Variants in EPHA2 observed in about 807,000 individuals in gnomAD.
EPHA2 encodes ephrin type-A receptor 2.
A neutral mutation model predicts 104.9 loss-of-function variants in EPHA2; 54 were observed. The observed-to-expected ratio is 0.51, with a 90% confidence interval of 0.41 to 0.65. The LOEUF is 0.65. EPHA2 is among the 30% of genes least tolerant of loss of function. EPHA2 has a pLI of 0.00. For synonymous variants in EPHA2, 560 were observed against 559.1 expected (o/e 1.00, Z -0.02); for missense variants, 1,117 against 1,369.5 (o/e 0.82, Z 2.91).
At position 16,145,535 on chromosome 1, in the gene EPHA2, G is replaced by T. The variant is rs140782439; in HGVS notation, c.823+2843C>A. Among the ~76,000 whole-genome samples the T allele has an allele frequency of 1.0e-3, 157 of 152,298 alleles. 1 individual carries two copies. Among genetic ancestry groups the T allele is most frequent in the African/African-American group, 3.5e-3 (147 of 41,566 alleles). On this transcript the variant is annotated intron_variant, in intron 3 of 16. Coordinates refer to ENST00000358432, the MANE Select transcript of EPHA2 (RefSeq NM_004431.5). ...TCGCTCTGGGTCTGGTTTGTCACCAGCAGGAGCCCCAGTGAAAGAATCTGG... is the reference window on the plus strand; with the variant it reads ...TCGCTCTGGGTCTGGTTTGTCACCATCAGGAGCCCCAGTGAAAGAATCTGG...
intron 3 of EPHA2, among the ~76,000 whole-genome samples, chr1:16,147,723 T>A (rs1158202488): frequency 2.0e-5 from 3 of 151,214 alleles, no homozygotes; most frequent in Non-Finnish European, 4.4e-5. Context: ...CTCTCCATTT[T>A]ACAGATGAGG....
In EPHA2 at chr1:16,131,675, C is replaced by G. The variant is rs755654674; in HGVS notation, c.2475+46G>C. 1.5e-5 allele frequency: 24 copies of G among 1,612,842 alleles called. No homozygotes were observed. Among genetic ancestry groups the G allele is most frequent in the Non-Finnish European group, 1.9e-5 (23 of 1,179,638 alleles). On this transcript the variant is annotated intron_variant, in intron 14 of 16. Coordinates refer to ENST00000358432, the MANE Select transcript of EPHA2 (RefSeq NM_004431.5). The surrounding 1 kb of genome is among the most constrained non-coding windows in gnomAD (Gnocchi z 5.2). ...CCTGCAGTTTGAGATGAGTAAAGGG[C>G]TTGAGTTCAGGTCCGGACAGGCCTG...
chr1:16,141,775 C>A (rs2024828867), intron 3 of EPHA2, among the ~76,000 whole-genome samples: 1 of 152,276 alleles, frequency 6.6e-6, no homozygotes, highest in Non-Finnish European at 1.5e-5. Context: ...GCCTGCCTGC[C>A]TGCTGCCGCC....
chr1:16,150,901 T>TG lies in EPHA2; in HGVS notation c.147dup (p.Lys50GlnfsTer12). Reference sequence around the variant, plus strand: ...CACCCCGAAGGCTTACATACCCCTTTGCCATACGGGTGTGTGAGCCAGCCG... The same window carrying TG: ...CACCCCGAAGGCTTACATACCCCTTTGGCCATACGGGTGTGTGAGCCAGCCG... On this transcript the variant is annotated frameshift_variant, in exon 2 of 17. Transcript: ENST00000358432. LOFTEE classifies it high-confidence loss of function. This position sits in a 1 kb window ranked among gnomAD's most constrained non-coding sequence, Gnocchi z 4.8. 1 of 1,614,072 alleles carries TG rather than the reference T, an allele frequency of 6.2e-7. No homozygotes were observed. Among genetic ancestry groups the TG allele is most frequent in the South Asian group, 1.1e-5 (1 of 91,080 alleles).
Position 16,125,098 on chromosome 1 carries a change from G to T in EPHA2, c.*117C>A. ...CGAGACCCCTCAGCGGAAGTTGCAG[G>T]GGGAGGAAAGAACTAGAAATAAATA... On this transcript the variant is annotated 3_prime_UTR_variant, in exon 17 of 17. Transcript: ENST00000358432. This position sits in a 1 kb window ranked among gnomAD's most constrained non-coding sequence, Gnocchi z 4.9. The T allele has an allele frequency of 1.0e-6, 1 of 956,500 alleles. No individual in the cohort carries two copies. Among genetic ancestry groups the T allele is most frequent in the Admixed American group, 2.0e-5 (1 of 49,930 alleles). 59.3% of individuals were successfully genotyped at this position (956,500 alleles called of 1,614,324 possible).
rs1039035331 is a variant in EPHA2 at position 16,153,269 on chromosome 1, C to A, written c.86-2306G>T. The A allele has an allele frequency of 1.5e-5, 15 of 985,348 alleles. No homozygotes were observed. In the African/African-American group the frequency reaches 2.6e-4, roughly 17 times the overall value. 61.0% of individuals were successfully genotyped at this position (985,348 alleles called of 1,614,324 possible). A position where few individuals can be genotyped will look rare whatever the true frequency, so the allele number is the denominator to read the frequency against. ...ACTCCCGGTCTCCGGTCCTTCTCCG[C>A]AGCCTCCGAGGCTGTGGTTCCCTCC... On this transcript the variant is annotated intron_variant, in intron 1 of 16. Coordinates refer to ENST00000358432, the MANE Select transcript of EPHA2 (RefSeq NM_004431.5).
chr1:16,136,713 A>AGAAGAAAAGAAG (rs752397568), intron 5 of EPHA2, among the ~76,000 whole-genome samples: 1 of 102,734 alleles, frequency 9.7e-6, no homozygotes, highest in Non-Finnish European at 1.8e-5. Context: ...AAGAAGAAGA[A>AGAAGAAAAGAAG]AAGAAGAAGA....
intron 5 of EPHA2, 48 bp downstream of exon 5, chr1:16,137,805 C>A: frequency 1.2e-6 from 2 of 1,610,136 alleles, no homozygotes; most frequent in Non-Finnish European, 1.7e-6. Context: ...TCCTTAAGCC[C>A]CACCTGGGCA....
intron 1 of EPHA2, among the ~76,000 whole-genome samples, chr1:16,154,475 C>G (rs2025109867): frequency 1.3e-5 from 2 of 151,962 alleles, no homozygotes; most frequent in Admixed American, 1.3e-4. Context: ...GGAAACAGGC[C>G]GGGGGTGGTG....
chr1:16,138,015 G>T lies in EPHA2; in HGVS notation c.1150C>A (p.Arg384Ser), dbSNP rs112196300. The T allele has an allele frequency of 6.2e-7, 1 of 1,613,526 alleles. No individual in the cohort carries two copies. Among genetic ancestry groups the T allele is most frequent in the African/African-American group, 1.3e-5 (1 of 74,944 alleles). The change falls in exon 5 of 17, where the codon CGC becomes AGC. Residue 384 changes from arginine (R) to serine (S), a missense_variant. Physicochemically the swap from Arg to Ser is moderately radical, Grantham distance 110. Coordinates refer to ENST00000358432, the MANE Select transcript of EPHA2 (RefSeq NM_004431.5). Reference protein sequence around the residue: ...GECGPCEASVRYSEPPHGLTR... With the variant: ...GECGPCEASVSYSEPPHGLTR... ...AGTCCGTGAGGAGGCTCCGAGTAGC[G>T]CACACTGGCCTCACACGGCCCGCAT...
At chr1:16,149,263 C>T (rs1364547731) in intron 2 of EPHA2, among the ~76,000 whole-genome samples, 1 of 152,142 alleles carries the variant, frequency 6.6e-6, no homozygotes, top group Non-Finnish European at 1.5e-5. Context: ...GAAGCCAAAC[C>T]TCTCTATTAG....
At position 16,134,345 on chromosome 1, in the gene EPHA2, G is replaced by T; in HGVS notation, c.1682+123C>A. ...TAACTCGTATATCCTCGCACCATCC[G>T]GAGGCAGGGATTAGACTCGACTAGC... On this transcript the variant is annotated intron_variant, in intron 8 of 16. Transcript: ENST00000358432. The surrounding 1 kb of genome is among the most constrained non-coding windows in gnomAD (Gnocchi z 4.5). The T allele has an allele frequency of 9.1e-7, 1 of 1,095,648 alleles. No homozygotes were observed. Among genetic ancestry groups the T allele is most frequent in the Non-Finnish European group, 1.4e-6 (1 of 730,512 alleles). The allele number at this position is 1,095,648 out of a possible 1,614,324, so 67.9% of individuals were successfully genotyped here. A position where few individuals can be genotyped will look rare whatever the true frequency, so the allele number is the denominator to read the frequency against.
At chr1:16,146,021 G>T (rs765368075) in intron 3 of EPHA2, among the ~76,000 whole-genome samples, 1 of 152,202 alleles carries the variant, frequency 6.6e-6, no homozygotes, top group Non-Finnish European at 1.5e-5. Flanking sequence ...GACGACACCC[G>T]TCTACGGTAG....
chr1:16,148,068 G>C lies in EPHA2; in HGVS notation c.823+310C>G, dbSNP rs781055995. ...TTTTTGTGTTTTTGGTAGAGACGGC[G>C]TTTCATTATGTTGCCCAGGCTGGTC... On this transcript the variant is annotated intron_variant, in intron 3 of 16. Coordinates refer to ENST00000358432, the MANE Select transcript of EPHA2 (RefSeq NM_004431.5). This position sits in a 1 kb window ranked among gnomAD's most constrained non-coding sequence, Gnocchi z 4.9. 4.6e-5 allele frequency among the ~76,000 whole-genome samples: 7 copies of C among 151,884 alleles called. No individual in the cohort carries two copies. The highest frequency in any genetic ancestry group is 8.8e-5 in the Non-Finnish European group (6 of 67,986).
Position 16,135,298 on chromosome 1 carries a change from C to T in EPHA2, c.1429-109G>A. 2 of 1,430,976 alleles carry T rather than the reference C, an allele frequency of 1.4e-6. No homozygotes were observed. Among genetic ancestry groups the T allele is most frequent in the Non-Finnish European group, 1.9e-6 (2 of 1,027,938 alleles). 88.6% of individuals were successfully genotyped at this position (1,430,976 alleles called of 1,614,324 possible). ...TAGCAAGGTGGCTTGCCTTTGTTAG[C>T]AAACTTGAGGCTCTTCTTACAGAGG... On this transcript the variant is annotated intron_variant, in intron 6 of 16. Coordinates refer to ENST00000358432, the MANE Select transcript of EPHA2 (RefSeq NM_004431.5). The surrounding 1 kb of genome is among the most constrained non-coding windows in gnomAD (Gnocchi z 4.3).
rs1179569761 is a variant in EPHA2, at chr1:16,155,875, C to T, written c.58G>A (p.Ala20Thr). ...FALLWGCALA[A>T]AAAAQGKEVV... ...TCCTTGCCCTGCGCCGCCGCGGCCG[C>T]GGCCAGCGCACAGCCCCACAGCAGG... The change falls in exon 1 of 17, where the codon GCG becomes ACG. Residue 20 changes from alanine (A) to threonine (T), a missense_variant. By Grantham distance (58) the Ala-to-Thr change is moderately conservative. Around this residue, in one of 3 missense-constraint regions of EPHA2, gnomAD observed 664 missense variants for 784.8 expected, o/e 0.85. Coordinates refer to ENST00000358432, the MANE Select transcript of EPHA2 (RefSeq NM_004431.5). The T allele has an allele frequency of 8.2e-6, 12 of 1,461,918 alleles. No homozygotes were observed. The highest frequency in any genetic ancestry group is 1.5e-5 in the African/African-American group (1 of 67,740). 90.6% of individuals were successfully genotyped at this position (1,461,918 alleles called of 1,614,324 possible).
chr1:16,129,918 A>G (rs1306578232), intron 15 of EPHA2, among the ~76,000 whole-genome samples: 2 of 152,190 alleles, frequency 1.3e-5, no homozygotes, highest in Non-Finnish European at 2.9e-5. Flanking sequence ...AAGATATTCA[A>G]TCGCCCTGTG....
rs2024759559 is a variant in EPHA2, at chr1:16,138,341, T to C, written c.913A>G (p.Thr305Ala). Residue 305 changes from threonine to alanine, a missense_variant, in exon 4 of 17, where the codon ACC (threonine) becomes GCC (alanine). Thr to Ala is a moderately conservative substitution (Grantham distance 58). Around this residue, in one of 3 missense-constraint regions of EPHA2, gnomAD observed 664 missense variants for 784.8 expected, o/e 0.85. Coordinates refer to ENST00000358432, the MANE Select transcript of EPHA2 (RefSeq NM_004431.5). ...AAGCCTTCCTCACACTCGCAGGAGG[T>C]GGCACCCTCAGGGGATGGCAGCGTG... ...EHTLPSPEGATSCECEEGFFR... is the reference protein window; with the variant it reads ...EHTLPSPEGAASCECEEGFFR... 1 of 1,613,776 alleles carries C rather than the reference T, an allele frequency of 6.2e-7. No individual in the cohort carries two copies. Among genetic ancestry groups the C allele is most frequent in the Non-Finnish European group, 8.5e-7 (1 of 1,179,950 alleles).
chr1:16,136,687 G>A (rs1411020959), intron 5 of EPHA2, among the ~76,000 whole-genome samples: 3 of 107,874 alleles, frequency 2.8e-5, no homozygotes, highest in South Asian at 5.7e-4. Context: ...GAAGAAAGAA[G>A]AAGAGGAAGA....
Sources: gnomAD v4.1 joint callset for allele counts (sites outside exome capture counted in the v4.1 genomes callset) on GRCh38, gnomAD v4.1.1 for gene constraint, gnomAD v4.1.1 regional missense constraint, Gnocchi (gnomAD v3.1) non-coding constraint, MANE v1.5 for transcripts, NCBI Gene and HGNC (gene_info 2026-07-23, HGNC 2026-07-21) for gene names.